NSD2: variants seen among roughly 807,000 people sequenced by gnomAD.
NSD2 encodes the protein histone-lysine N-methyltransferase NSD2.
In NSD2, 12 loss-of-function variants were observed where a neutral mutation model predicts 139.0. That is an observed-to-expected ratio of 0.09 (90% CI 0.06 to 0.14). The LOEUF (loss-of-function observed/expected upper bound fraction) is 0.14, where lower values mean the gene tolerates loss of function less well. NSD2 is among the 10% of genes least tolerant of loss of function. The probability of loss-of-function intolerance (pLI) is 1.00; values close to 1 mark genes in which losing one functional copy is unlikely to be tolerated. For synonymous variants in NSD2, 669 were observed against 648.7 expected, an observed-to-expected ratio of 1.03 and a Z score of -0.48; for missense variants, 1,155 against 1,745.0, an observed-to-expected ratio of 0.66 and a Z score of 6.02.
intron 11 of NSD2, 29 bp downstream of exon 11, chr4:1,952,260 A>G (rs760719802): frequency 1.2e-6 from 2 of 1,611,144 alleles, no homozygotes; most frequent in South Asian, 2.2e-5. Flanking sequence ...GCAGCTCTGC[A>G]GCCTGGCCGG....
intron 3 of NSD2, chr4:1,912,186 T>TC (rs2108784142): frequency 3.3e-6 from 1 of 302,248 alleles, no homozygotes; most frequent in Non-Finnish European, 6.7e-6. Flanking sequence ...TCCTCTCTCC[T>TC]CCCCAGAGGT....
chr4:1,974,749 T>C lies in NSD2; in HGVS notation c.3373-114T>C, dbSNP rs1168222119. The C allele has an allele frequency of 6.8e-7, 1 of 1,478,496 alleles. No individual in the cohort carries two copies. Among genetic ancestry groups the C allele is most frequent in the East Asian group, 2.3e-5 (1 of 44,064 alleles). 91.6% of individuals were successfully genotyped at this position (1,478,496 alleles called of 1,614,324 possible). On this transcript the variant is annotated intron_variant, in intron 18 of 21. Coordinates refer to ENST00000508803, the MANE Select transcript of NSD2 (RefSeq NM_001042424.3). This position sits in a 1 kb window ranked among gnomAD's most constrained non-coding sequence, Gnocchi z 4.0. Reference sequence around the variant, plus strand: ...TCAGTGGACACAGGACACCACGGTTTTCAGTACAACAAGGAACACAACTTG... The same window carrying C: ...TCAGTGGACACAGGACACCACGGTTCTCAGTACAACAAGGAACACAACTTG...
chr4:1,951,026 TGTGTTCTGC>T (rs1481068408), intron 9 of NSD2, 37 bp from the exon 10 acceptor site: 1 of 1,608,466 alleles, frequency 6.2e-7, no homozygotes, highest in Non-Finnish European at 8.5e-7. Flanking sequence ...GGCCACCCGC[TGTGTTCTGC>T]GACTAGTGAA....
chr4:1,884,558 T>A (rs1258761935), intron 1 of NSD2, among the ~76,000 whole-genome samples: 1 of 152,030 alleles, frequency 6.6e-6, no homozygotes, highest in East Asian at 1.9e-4. Flanking sequence ...CACGCCTAGC[T>A]AATTTTTATA....
chr4:1,904,000 C>G (rs529137247), intron 2 of NSD2, among the ~76,000 whole-genome samples: 1 of 152,266 alleles, frequency 6.6e-6, no homozygotes, highest in Non-Finnish European at 1.5e-5. Flanking sequence ...TCCCAAAGTG[C>G]TGGGACTACA....
chr4:1,946,988 C>T, intron 9 of NSD2: 3 of 1,062,458 alleles, frequency 2.8e-6, no homozygotes, highest in Non-Finnish European at 3.4e-6. Flanking sequence ...ACCATCCAGG[C>T]ATATAGTATT....
intron 1 of NSD2, among the ~76,000 whole-genome samples, chr4:1,893,543 G>GTTTTTTTTTTTTTTTTGTT (rs1715819913): frequency 8.2e-6 from 1 of 121,420 alleles, no homozygotes; most frequent in African/African-American, 2.9e-5. Flanking sequence ...TTTGTTTTTT[G>GTTTTTTTTTTTTTTTTGTT]TTTTTTTTTT....
intron 9 of NSD2, among the ~76,000 whole-genome samples, chr4:1,950,767 G>T (rs1724133188): frequency 6.6e-6 from 1 of 152,240 alleles, no homozygotes; most frequent in Non-Finnish European, 1.5e-5. Context: ...TCACCTACTA[G>T]AGCAAATTGG....
At chr4:1,919,167 CAAAAAAAAAA>C (rs1176192458) in intron 5 of NSD2, 1 of 63,022 alleles carries the variant, frequency 1.6e-5, no homozygotes, top group Non-Finnish European at 3.5e-5. Flanking sequence ...GACTGTGTCT[CAAAAAAAAAA>C]AAAAAAAAAA....
intron 18 of NSD2, among the ~76,000 whole-genome samples, chr4:1,962,930 C>A (rs551659273): frequency 6.6e-6 from 1 of 152,122 alleles, no homozygotes; most frequent in Non-Finnish European, 1.5e-5. Context: ...TCAGGGCGCA[C>A]CACCCAGGGG....
rs1005787293 is a variant in NSD2 at position 1,976,763 on chromosome 4, C to A, written c.3826+84C>A. The A allele has an allele frequency of 7.0e-6, 10 of 1,430,384 alleles. No individual in the cohort carries two copies. The highest frequency in any genetic ancestry group is 9.4e-6 in the Non-Finnish European group (10 of 1,066,210). The allele number at this position is 1,430,384 out of a possible 1,614,324, so 88.6% of individuals were successfully genotyped here. On this transcript the variant is annotated intron_variant, in intron 21 of 21. Transcript: ENST00000508803. This position sits in a 1 kb window ranked among gnomAD's most constrained non-coding sequence, Gnocchi z 5.3. Reference sequence around the variant, plus strand: ...CGGCTGCTGCCGCTCTTCCTGCTGACCGGGCCTCATCTGGGTGCAGGCACA... The same window carrying A: ...CGGCTGCTGCCGCTCTTCCTGCTGAACGGGCCTCATCTGGGTGCAGGCACA...
chr4:1,944,788 T>C (rs1187142307), intron 9 of NSD2: 12 of 1,064,096 alleles, frequency 1.1e-5, no homozygotes, highest in Non-Finnish European at 1.4e-5. Context: ...GATGGATCTT[T>C]GGGCCTTTCC....
At chr4:1,967,633 C>T (rs925844449) in intron 18 of NSD2, among the ~76,000 whole-genome samples, 5 of 152,126 alleles carry the variant, frequency 3.3e-5, no homozygotes, top group African/African-American at 1.2e-4. Flanking sequence ...GGACATAGCC[C>T]CATTGTAAGA....
At position 1,981,906 on chromosome 4, in the gene NSD2, C is replaced by G; in HGVS notation, c.*2997C>G. On this transcript the variant is annotated 3_prime_UTR_variant, in exon 22 of 22. Coordinates refer to ENST00000508803, the MANE Select transcript of NSD2 (RefSeq NM_001042424.3). ...ACGGGGTGTCACAGCCTCACCATAC[C>G]CTGTTGAGGTGTGAAATGCCCCGTC... is the stretch of plus-strand genomic sequence containing the variant. The G allele has an allele frequency of 2.5e-6, 1 of 398,544 alleles. No individual in the cohort carries two copies. Among genetic ancestry groups the G allele is most frequent in the Non-Finnish European group, 4.4e-6 (1 of 226,052 alleles). 24.7% of individuals were successfully genotyped at this position (398,544 alleles called of 1,614,324 possible).
chr4:1,884,614 G>A (rs901783712), intron 1 of NSD2, among the ~76,000 whole-genome samples: 3 of 151,862 alleles, frequency 2.0e-5, no homozygotes, highest in Admixed American at 1.3e-4. Context: ...GGATGGTCTC[G>A]ATCTCCTGAC....
rs1724723785 is a variant in NSD2, at chr4:1,955,534, G to A, written c.2519-159G>A. The stretch of plus-strand genomic sequence containing the variant: ...CGCAAACATACAGGAAATTATTTGT[G>A]GTGAAAATGACATTTGCTCTCGTGC... On this transcript the variant is annotated intron_variant, in intron 13 of 21. Coordinates refer to ENST00000508803, the MANE Select transcript of NSD2 (RefSeq NM_001042424.3). The surrounding 1 kb of genome is among the most constrained non-coding windows in gnomAD (Gnocchi z 4.7). 8.1e-7 allele frequency: 1 copy of A among 1,227,536 alleles called. No individual in the cohort carries two copies. Among genetic ancestry groups the A allele is most frequent in the African/African-American group, 1.5e-5 (1 of 65,702 alleles). The allele number at this position is 1,227,536 out of a possible 1,614,324, so 76.0% of individuals were successfully genotyped here. A position where few individuals can be genotyped will look rare whatever the true frequency, so the allele number is the denominator to read the frequency against.
chr4:1,962,293 A>AAG (rs1349478125), intron 18 of NSD2, among the ~76,000 whole-genome samples: 1 of 152,222 alleles, frequency 6.6e-6, no homozygotes, highest in Non-Finnish European at 1.5e-5. Flanking sequence ...AAAGAGACTA[A>AAG]AGAAGTACCC....
intron 1 of NSD2, among the ~76,000 whole-genome samples, chr4:1,879,152 C>T (rs909550428): frequency 2.0e-5 from 3 of 152,152 alleles, no homozygotes; most frequent in Non-Finnish European, 2.9e-5. Flanking sequence ...TCCTGCCTGT[C>T]TTTCCTTTAT....
At chr4:1,937,615 C>T (rs1722556197) in intron 7 of NSD2, among the ~76,000 whole-genome samples, 1 of 152,180 alleles carries the variant, frequency 6.6e-6, no homozygotes, top group Non-Finnish European at 1.5e-5. Flanking sequence ...CCAATGTGCA[C>T]TGAGCACTTC....
Sources: allele counts gnomAD v4.1 joint callset (sites outside exome capture counted in the v4.1 genomes callset), GRCh38; gene constraint gnomAD v4.1.1; non-coding constraint Gnocchi (gnomAD v3.1); transcripts MANE v1.5; gene names NCBI Gene and HGNC (gene_info 2026-07-23, HGNC 2026-07-21).